The following PAPLN variants were observed in gnomAD, a reference collection of about 807,000 sequenced individuals.
PAPLN encodes the protein papilin, proteoglycan like sulfated glycoprotein, also known as papilin.
A neutral mutation model predicts 159.0 loss-of-function variants in PAPLN; 146 were observed. The ratio of observed to expected loss-of-function variants is 0.92; its 90% confidence interval spans 0.80 to 1.05. PAPLN has a LOEUF of 1.05. Among genes scored for constraint, PAPLN ranks in the 50% least tolerant of loss-of-function variants. PAPLN has a pLI of 0.00. For missense variants in PAPLN, 1,720 were observed against 1,743.9 expected, an observed-to-expected ratio of 0.99 and a Z score of 0.24; for synonymous variants, 734 against 702.9, an observed-to-expected ratio of 1.04 and a Z score of -0.70.
chr14:73,247,515 T>TGTGTGTGTGTGC, intron 5 of PAPLN, among the ~76,000 whole-genome samples: 1 of 149,750 alleles, frequency 6.7e-6, no homozygotes, highest in South Asian at 2.1e-4. Flanking sequence ...TCTCATATCC[T>TGTGTGTGTGTGC]GTGTATGTGT....
chr14:73,264,897 G>A (rs1887061635), intron 22 of PAPLN, among the ~76,000 whole-genome samples, 171 bp downstream of exon 22: 1 of 152,248 alleles, frequency 6.6e-6, no homozygotes, highest in Non-Finnish European at 1.5e-5. Context: ...GCCTCTTGAG[G>A]AAGAAGCTTC....
At chr14:73,260,051 G>A (rs890715571) in intron 16 of PAPLN, among the ~76,000 whole-genome samples, 1 of 152,126 alleles carries the variant, frequency 6.6e-6, no homozygotes, top group Non-Finnish European at 1.5e-5. Context: ...GAGACCAGGT[G>A]CTTCTGGGCC....
intron 6 of PAPLN, among the ~76,000 whole-genome samples, 177 bp downstream of exon 6, chr14:73,250,291 G>A (rs1199007073): frequency 1.3e-5 from 2 of 152,228 alleles, no homozygotes; most frequent in Non-Finnish European, 2.9e-5. Context: ...ATGCCCTATG[G>A]CCCCTCACCT....
At chr14:73,272,464 A>G in intron 26 of PAPLN, 31 bp from the exon 27 acceptor site, 1 of 1,486,388 alleles carries the variant, frequency 6.7e-7, no homozygotes, top group Non-Finnish European at 9.0e-7. Flanking sequence ...GAGCTTCCTC[A>G]CCACCTTCTC....
chr14:73,263,121 T>A, intron 19 of PAPLN: 3 of 379,276 alleles, frequency 7.9e-6, no homozygotes, highest in Non-Finnish European at 1.4e-5. Context: ...GAAAAGTTTA[T>A]TGGCTTCGTG....
rs1425744976 is a variant in PAPLN at position 73,246,000 on chromosome 14, C to T, written c.232-73C>T. 7.1e-7 allele frequency: 1 copy of T among 1,399,816 alleles called. No individual in the cohort carries two copies. The highest frequency in any genetic ancestry group is 1.5e-5 in the African/African-American group (1 of 67,126). 86.7% of individuals were successfully genotyped at this position (1,399,816 alleles called of 1,614,324 possible). ...AAGGGAGACTCCTGGGCTCCCTGGGCTCGGGCGGGGCGGGAGGTGGGCGGA... is the reference window on the plus strand; with the variant it reads ...AAGGGAGACTCCTGGGCTCCCTGGGTTCGGGCGGGGCGGGAGGTGGGCGGA... On this transcript the variant is annotated intron_variant, in intron 4 of 26. Coordinates refer to ENST00000644200, the MANE Select transcript of PAPLN (RefSeq NM_001365906.3). The surrounding 1 kb of genome is among the most constrained non-coding windows in gnomAD (Gnocchi z 4.2).
intron 1 of PAPLN, chr14:73,239,533 T>C: frequency 1.7e-6 from 1 of 576,122 alleles, no homozygotes; most frequent in Admixed American, 4.0e-5. Context: ...TGAAACAAGT[T>C]GTTCTTGAAC....
chr14:73,253,118 A>G (rs769075162), intron 11 of PAPLN: 36 of 1,399,566 alleles, frequency 2.6e-5, no homozygotes, highest in Non-Finnish European at 3.4e-5. Flanking sequence ...GGTCAGGCCA[A>G]AGGGCCTGTT....
intron 5 of PAPLN, among the ~76,000 whole-genome samples, chr14:73,249,455 C>A (rs1043296360): frequency 6.6e-6 from 1 of 152,136 alleles, no homozygotes; most frequent in Admixed American, 6.5e-5. Context: ...AGGTGGATCA[C>A]CTGAGGTCAG....
rs1884071822 is a variant in PAPLN at position 73,245,189 on chromosome 14, GA to G, written c.170+432del. On this transcript the variant is annotated intron_variant, in intron 3 of 26. Transcript: ENST00000644200. This position sits in a 1 kb window ranked among gnomAD's most constrained non-coding sequence, Gnocchi z 4.2. ...GGGTCAGTGGAGAAGGTGGGGCACA[GA>G]AGGAGTAGTGAGGTGCCTCTGTCCC... 1 of 211,250 alleles carries G rather than the reference GA, an allele frequency of 4.7e-6. No homozygotes were observed. 13.1% of individuals were successfully genotyped at this position (211,250 alleles called of 1,614,324 possible). A position where few individuals can be genotyped will look rare whatever the true frequency, so the allele number is the denominator to read the frequency against.
chr14:73,263,338 C>G lies in PAPLN; in HGVS notation c.2724-307C>G, dbSNP rs932560889. On this transcript the variant is annotated intron_variant, in intron 19 of 26. Transcript: ENST00000644200. ...CATGGGTCGAGCGTGTAGTTTAGCC[C>G]CCACATGAACCTGGTGTGTGCCGTC... 2.2e-5 allele frequency: 11 copies of G among 507,170 alleles called. No individual in the cohort carries two copies. In the Admixed American group the frequency reaches 3.6e-4, roughly 17 times the overall value. The allele number at this position is 507,170 out of a possible 1,614,324, so 31.4% of individuals were successfully genotyped here. A position where few individuals can be genotyped will look rare whatever the true frequency, so the allele number is the denominator to read the frequency against.
In PAPLN at chr14:73,246,112, T is replaced by C. The variant is rs780971024; in HGVS notation, c.271T>C (p.Cys91Arg). 1.9e-6 allele frequency: 3 copies of C among 1,588,908 alleles called. No individual in the cohort carries two copies. In the Admixed American group the frequency reaches 5.2e-5, roughly 28 times the overall value. ...DGARDFRAEQ[C>R]AEFDGAEFQG... is the part of the protein sequence containing the mutation. ...CGCCCGGGACTTCCGGGCCGAGCAG[T>C]GCGCGGAGTTCGACGGAGCGGAGTT... The change falls in exon 5 of 27, where the codon TGC (cysteine) becomes CGC (arginine). Residue 91 changes from cysteine (C) to arginine (R), a missense_variant. Transcript: ENST00000644200.
rs1255566045 is a variant in PAPLN, at chr14:73,262,614, A to G, written c.2510A>G (p.Glu837Gly). 3 of 1,550,136 alleles carry G rather than the reference A, an allele frequency of 1.9e-6. No individual in the cohort carries two copies. The highest frequency in any genetic ancestry group is 2.6e-6 in the Non-Finnish European group (3 of 1,145,184). ...GGCAGCAGTCCTGCAGGCGAGCAGG[A>G]ACCCAGCCAGCACAGGACAGGGGCC... ...GGGSSPAGEQ[E>G]PSQHRTGAAV... Residue 837 changes from glutamate to glycine, a missense_variant, in exon 19 of 27, where the codon GAA becomes GGA. Coordinates refer to ENST00000644200, the MANE Select transcript of PAPLN (RefSeq NM_001365906.3).
intron 21 of PAPLN, 49 bp downstream of exon 21, chr14:73,264,384 G>C (rs769954131): frequency 6.3e-7 from 1 of 1,585,246 alleles, no homozygotes; most frequent in African/African-American, 1.3e-5. Context: ...GGCCCGAGTG[G>C]GAAGGCCAGG....
In PAPLN at chr14:73,245,655, T is replaced by A. The variant is rs1269614366; in HGVS notation, c.190T>A (p.Cys64Ser). The change falls in exon 4 of 27, where the codon TGC becomes AGC. Residue 64 changes from cysteine to serine, a missense_variant. By Grantham distance (112) the Cys-to-Ser change is moderately radical. Transcript: ENST00000644200. This position sits in a 1 kb window ranked among gnomAD's most constrained non-coding sequence, Gnocchi z 4.2. ...YSQRRDGGSS[C>S]VGPARSHRSC... ...CCGCAGGAGAGATGGAGGCTCCAGC[T>A]GCGTGGGCCCCGCCCGGAGCCACCG... is the stretch of plus-strand genomic sequence containing the variant. 6.4e-6 allele frequency: 10 copies of A among 1,559,642 alleles called. No individual in the cohort carries two copies. Among genetic ancestry groups the A allele is most frequent in the African/African-American group, 1.4e-5 (1 of 73,766 alleles).
At chr14:73,249,404 T>TG (rs1726988887) in intron 5 of PAPLN, among the ~76,000 whole-genome samples, 1 of 152,200 alleles carries the variant, frequency 6.6e-6, no homozygotes, top group Admixed American at 6.5e-5. Flanking sequence ...CCATGCACAG[T>TG]GGTTTACACC....
intron 25 of PAPLN, 92 bp from the exon 26 acceptor site, chr14:73,268,465 T>TGGCTCTGGAATGGCC (rs1887425850): frequency 8.9e-6 from 12 of 1,342,524 alleles, no homozygotes; most frequent in Non-Finnish European, 1.2e-5. Context: ...TGGGAACGGT[T>TGGCTCTGGAATGGCC]GGCTCTGGAA....
At chr14:73,263,930 C>T (rs1886890874) in intron 20 of PAPLN, 148 bp downstream of exon 20, 13 of 1,282,530 alleles carry the variant, frequency 1.0e-5, no homozygotes, top group Non-Finnish European at 1.4e-5. Flanking sequence ...GCCCCCCTAC[C>T]CCCTCTGACA....
Position 73,272,536 on chromosome 14 carries a change from G to A in PAPLN, c.3709G>A (p.Asp1237Asn), listed in dbSNP as rs771461575. 3.8e-6 allele frequency: 6 copies of A among 1,585,840 alleles called. No individual in the cohort carries two copies. The highest frequency in any genetic ancestry group is 2.2e-5 in the South Asian group (2 of 89,528). ...QPRDPGRDCV[D>N]QPELANCDLI... Reference sequence around the variant, plus strand: ...CAGGGACCCTGGCAGGGACTGCGTCGACCAGCCAGAGCTGGCCAACTGTGA... The same window carrying A: ...CAGGGACCCTGGCAGGGACTGCGTCAACCAGCCAGAGCTGGCCAACTGTGA... Residue 1237 changes from aspartate (D) to asparagine (N), a missense_variant, in exon 27 of 27, where the codon GAC (aspartate) becomes AAC (asparagine). By Grantham distance (23) the Asp-to-Asn change is conservative. Transcript: ENST00000644200.
Sources: allele counts gnomAD v4.1 joint callset (sites outside exome capture counted in the v4.1 genomes callset), GRCh38; gene constraint gnomAD v4.1.1; non-coding constraint Gnocchi (gnomAD v3.1); transcripts MANE v1.5; gene names NCBI Gene and HGNC (gene_info 2026-07-23, HGNC 2026-07-21).